SPATA16: variants seen among roughly 807,000 people sequenced by gnomAD.
SPATA16 encodes spermatogenesis-associated protein 16.
A neutral mutation model predicts 63.3 loss-of-function variants in SPATA16; 36 were observed. That is an observed-to-expected ratio of 0.57 (90% CI 0.44 to 0.75). The LOEUF (loss-of-function observed/expected upper bound fraction) is 0.75. Among genes scored for constraint, SPATA16 ranks in the 30% least tolerant of loss-of-function variants. SPATA16 has a pLI of 0.00. For missense variants in SPATA16, 646 were observed against 679.3 expected (o/e 0.95, Z 0.54); for synonymous variants, 203 against 216.7 (o/e 0.94, Z 0.56).
intron 10 of SPATA16, among the ~76,000 whole-genome samples, chr3:172,897,867 A>C (rs992721608): frequency 6.6e-6 from 1 of 152,044 alleles, no homozygotes; most frequent in Admixed American, 6.5e-5. Context: ...TTCTTTCACT[A>C]TTAAGTGTAT....
At chr3:173,106,080 A>ATAC (rs1466831298) in intron 2 of SPATA16, among the ~76,000 whole-genome samples, 1 of 152,186 alleles carries the variant, frequency 6.6e-6, no homozygotes, top group African/African-American at 2.4e-5. Flanking sequence ...CAGAGACTGA[A>ATAC]TACTATATTT....
chr3:173,130,730 T>G (rs1430734239), intron 1 of SPATA16, among the ~76,000 whole-genome samples: 1 of 152,220 alleles, frequency 6.6e-6, no homozygotes, highest in African/African-American at 2.4e-5. Flanking sequence ...TTTGCAAGAT[T>G]CTTGCTTTGA....
At chr3:173,090,986 G>A (rs1343516359) in intron 2 of SPATA16, among the ~76,000 whole-genome samples, 1 of 151,944 alleles carries the variant, frequency 6.6e-6, no homozygotes, top group Non-Finnish European at 1.5e-5. Flanking sequence ...CTTAATGTTG[G>A]TTTCAGGCCT....
chr3:173,012,225 T>A (rs9840587), intron 4 of SPATA16, among the ~76,000 whole-genome samples: 9,881 of 152,164 alleles, frequency 0.065, 1,058 homozygotes, highest in African/African-American at 0.22. Flanking sequence ...GGAACACAGC[T>A]AACTAAGGAG....
At chr3:173,132,508 A>G (rs1225300478) in intron 1 of SPATA16, among the ~76,000 whole-genome samples, 1 of 152,220 alleles carries the variant, frequency 6.6e-6, no homozygotes. Flanking sequence ...AGACAATAAT[A>G]GAAATGTCTC....
intron 10 of SPATA16, among the ~76,000 whole-genome samples, chr3:172,907,381 G>C (rs547759291): frequency 2.0e-5 from 3 of 152,048 alleles, no homozygotes; most frequent in Non-Finnish European, 4.4e-5. Context: ...TGCAATAACC[G>C]ACTAACTCAT....
chr3:173,121,336 ATG>A (rs1738066924), intron 1 of SPATA16, among the ~76,000 whole-genome samples: 1 of 152,088 alleles, frequency 6.6e-6, no homozygotes, highest in Admixed American at 6.6e-5. Flanking sequence ...ACCTCGCTCA[ATG>A]TGTGTTTTCA....
intron 5 of SPATA16, among the ~76,000 whole-genome samples, chr3:172,959,236 C>T (rs958625278): frequency 3.9e-5 from 6 of 152,152 alleles, no homozygotes; most frequent in East Asian, 3.9e-4. Flanking sequence ...GGTAGCTTGG[C>T]GAAGCCATCT....
chr3:173,079,290 A>C (rs1736875440), intron 2 of SPATA16, among the ~76,000 whole-genome samples: 1 of 152,094 alleles, frequency 6.6e-6, no homozygotes, highest in Non-Finnish European at 1.5e-5. Context: ...TCTAGGTCCA[A>C]GGAGTGCATT....
At chr3:173,064,123 T>G (rs1344367133) in intron 2 of SPATA16, among the ~76,000 whole-genome samples, 1 of 151,946 alleles carries the variant, frequency 6.6e-6, no homozygotes, top group African/African-American at 2.4e-5. Context: ...TTGGCCAACA[T>G]GGTGAAACAC....
In SPATA16 at chr3:172,973,615, G is replaced by T. The variant is rs374033009; in HGVS notation, c.933+3353C>A. ...AGCAGGACAGGACAGGAGAGTGGAA[G>T]ATGGAGGAAGCTTGCTTGCTTGTTT... On this transcript the variant is annotated intron_variant, in intron 5 of 10. Transcript: ENST00000351008. 3.9e-5 allele frequency among the ~76,000 whole-genome samples: 6 copies of T among 152,298 alleles called. 1 individual carries two copies. Among genetic ancestry groups the T allele is most frequent in the Admixed American group, 2.0e-4 (3 of 15,294 alleles).
At chr3:172,962,493 T>C in intron 5 of SPATA16, among the ~76,000 whole-genome samples, 1 of 152,164 alleles carries the variant, frequency 6.6e-6, no homozygotes. Flanking sequence ...AATTTGAAAC[T>C]TGGAATCTCT....
intron 1 of SPATA16, among the ~76,000 whole-genome samples, chr3:173,138,831 G>T (rs1015566789): frequency 1.3e-5 from 2 of 152,158 alleles, no homozygotes; most frequent in East Asian, 1.9e-4. Flanking sequence ...TGCCTAAATC[G>T]TGAAATATTG....
At chr3:173,096,364 G>C (rs897495398) in intron 2 of SPATA16, among the ~76,000 whole-genome samples, 31 of 152,080 alleles carry the variant, frequency 2.0e-4, no homozygotes, top group Non-Finnish European at 3.1e-4. Context: ...TTTTGAACTT[G>C]TTTTGAACTT....
intron 1 of SPATA16, among the ~76,000 whole-genome samples, chr3:173,118,182 G>A (rs1737958322): frequency 6.6e-6 from 1 of 152,186 alleles, no homozygotes; most frequent in Non-Finnish European, 1.5e-5. Context: ...ATAGACTTGG[G>A]AGTCTAAAGA....
At chr3:172,952,235 G>T (rs1450534253) in intron 6 of SPATA16, among the ~76,000 whole-genome samples, 3 of 152,172 alleles carry the variant, frequency 2.0e-5, no homozygotes, top group Non-Finnish European at 4.4e-5. Flanking sequence ...GAGTTAGCAA[G>T]AACTTGTTGT....
intron 10 of SPATA16, among the ~76,000 whole-genome samples, chr3:172,910,651 T>C (rs1419435553): frequency 6.6e-6 from 1 of 152,160 alleles, no homozygotes. Context: ...TTGAGTCTCA[T>C]GAGGACCACG....
chr3:173,051,694 C>T (rs1033598053), intron 2 of SPATA16, among the ~76,000 whole-genome samples: 2 of 152,132 alleles, frequency 1.3e-5, no homozygotes, highest in Non-Finnish European at 2.9e-5. Context: ...TTACTCAAAT[C>T]TCCTCTTCAC....
At chr3:172,948,859 C>T (rs73175072) in intron 6 of SPATA16, among the ~76,000 whole-genome samples, 8,934 of 152,020 alleles carry the variant, frequency 0.059, 343 homozygotes, top group Non-Finnish European at 0.077. Context: ...CTTTTTGCAA[C>T]GTGGAAGAAG....
Sources: allele counts gnomAD v4.1 joint callset (sites outside exome capture counted in the v4.1 genomes callset), GRCh38; gene constraint gnomAD v4.1.1; transcripts MANE v1.5; gene names NCBI Gene and HGNC (gene_info 2026-07-23, HGNC 2026-07-21).